Variants in ADAMTS12 observed in about 807,000 individuals in gnomAD.
ADAMTS12 encodes ADAM metallopeptidase with thrombospondin type 1 motif 12.
ADAMTS12 carries 118 observed loss-of-function variants against 167.8 expected under a neutral mutation model. The observed-to-expected ratio is 0.70, with a 90% CI of 0.61 to 0.82. ADAMTS12 has a LOEUF of 0.82. ADAMTS12 is among the 40% of genes least tolerant of loss of function. The probability of loss-of-function intolerance (pLI) is 0.00; values close to 1 mark genes in which losing one functional copy is unlikely to be tolerated. For synonymous variants in ADAMTS12, 704 were observed against 716.9 expected (o/e 0.98, Z 0.29); for missense variants, 1,916 against 1,998.8 (o/e 0.96, Z 0.79).
At chr5:33,735,195 G>A (rs1744328039) in intron 3 of ADAMTS12, among the ~76,000 whole-genome samples, 1 of 152,138 alleles carries the variant, frequency 6.6e-6, no homozygotes, top group Non-Finnish European at 1.5e-5. Flanking sequence ...TTTTCTGAAG[G>A]AATAAAGAAA....
intron 2 of ADAMTS12, among the ~76,000 whole-genome samples, chr5:33,860,131 A>G (rs1376029537): frequency 6.6e-6 from 1 of 152,216 alleles, no homozygotes; most frequent in Non-Finnish European, 1.5e-5. Context: ...ACTCCTTGCC[A>G]GCAAGGGAAG....
intron 10 of ADAMTS12, among the ~76,000 whole-genome samples, chr5:33,643,009 A>AG (rs1186774586): frequency 9.9e-6 from 1 of 100,708 alleles, no homozygotes; most frequent in Non-Finnish European, 2.4e-5. Context: ...CATTTTTGGG[A>AG]AAAGAAGCCG....
chr5:33,636,763 T>C lies in ADAMTS12; in HGVS notation c.1888+814A>G, dbSNP rs958477368. Among the ~76,000 whole-genome samples the C allele has an allele frequency of 2.6e-5, 4 of 152,196 alleles. No individual in the cohort carries two copies. In the East Asian group the frequency reaches 7.7e-4, roughly 29 times the overall value. On this transcript the variant is annotated intron_variant, in intron 12 of 23. Coordinates refer to ENST00000504830, the MANE Select transcript of ADAMTS12 (RefSeq NM_030955.4). ...CTTTAACACAGGAAAATCTTTTCTG[T>C]TTCATTTCCTACTCAGATAACAACA...
chr5:33,880,365 A>G (rs1280951353), intron 2 of ADAMTS12, among the ~76,000 whole-genome samples: 1 of 152,248 alleles, frequency 6.6e-6, no homozygotes, highest in African/African-American at 2.4e-5. Context: ...ATTAAGTGTC[A>G]GTAAACTTTT....
chr5:33,667,049 GTTTAC>G (rs1741498710), intron 5 of ADAMTS12, among the ~76,000 whole-genome samples: 1 of 152,098 alleles, frequency 6.6e-6, no homozygotes, highest in Admixed American at 6.5e-5. Context: ...TAAGAAGAAA[GTTTAC>G]TTTAGTAATT....
Position 33,576,685 on chromosome 5 carries a change from G to A in ADAMTS12, c.3341C>T (p.Thr1114Ile), listed in dbSNP as rs1416825212. 4 of 1,614,232 alleles carry A rather than the reference G, an allele frequency of 2.5e-6. No homozygotes were observed. Among genetic ancestry groups the A allele is most frequent in the Non-Finnish European group, 2.5e-6 (3 of 1,180,034 alleles). The change falls in exon 19 of 24, where the codon ACC (threonine) becomes ATC (isoleucine). Residue 1114 changes from threonine to isoleucine, a missense_variant. Transcript: ENST00000504830. ...ENVSSSDTGP[T>I]SEGGLVATTT... ...TGTAGCTACAAGGCCTCCCTCCGAGGTAGGACCAGTATCTGAACTGGAAAC... is the reference window on the plus strand; with the variant it reads ...TGTAGCTACAAGGCCTCCCTCCGAGATAGGACCAGTATCTGAACTGGAAAC...
chr5:33,588,036 A>G (rs550593259), intron 18 of ADAMTS12, among the ~76,000 whole-genome samples: 1 of 152,312 alleles, frequency 6.6e-6, no homozygotes, highest in African/African-American at 2.4e-5. Context: ...CTGATTTCCA[A>G]TTATAGTCAG....
chr5:33,833,144 T>A (rs1400649323), intron 2 of ADAMTS12, among the ~76,000 whole-genome samples: 1 of 152,202 alleles, frequency 6.6e-6, no homozygotes, highest in Non-Finnish European at 1.5e-5. Context: ...TGATCATGAA[T>A]AACTATGGTG....
At chr5:33,722,351 T>C (rs1462604259) in intron 3 of ADAMTS12, among the ~76,000 whole-genome samples, 5 of 152,224 alleles carry the variant, frequency 3.3e-5, no homozygotes, top group Admixed American at 6.5e-5. Flanking sequence ...ATGATGATGG[T>C]AAACAGTTAT....
chr5:33,651,416 T>C (rs1740864657), intron 7 of ADAMTS12, among the ~76,000 whole-genome samples: 1 of 152,216 alleles, frequency 6.6e-6, no homozygotes, highest in Non-Finnish European at 1.5e-5. Context: ...TTTTGCATTA[T>C]ACACAATCAG....
At position 33,668,120 on chromosome 5, in the gene ADAMTS12, G is replaced by A. The variant is rs144075192; in HGVS notation, c.916-6080C>T. 5.3e-5 allele frequency among the ~76,000 whole-genome samples: 8 copies of A among 152,190 alleles called. No homozygotes were observed. The East Asian group carries it at 7.7e-4, about 15-fold the overall frequency. On this transcript the variant is annotated intron_variant, in intron 5 of 23. Transcript: ENST00000504830. ...TCATCAATTCAAAATATCATAAGTC[G>A]AAAATGCAATGAATACACCTAACCT...
chr5:33,850,445 A>T (rs1215684888), intron 2 of ADAMTS12, among the ~76,000 whole-genome samples: 1 of 152,174 alleles, frequency 6.6e-6, no homozygotes, highest in Non-Finnish European at 1.5e-5. Context: ...AGGTGCTGTC[A>T]GCCCCTTTTA....
In ADAMTS12 at chr5:33,582,885, T is replaced by C. The variant is rs187695450; in HGVS notation, c.2865+5714A>G. Reference sequence around the variant, plus strand: ...GGTACATAGTAGGTGTATATATTTATGGGGTACATGAGATGTTTTGAAACA... The same window carrying C: ...GGTACATAGTAGGTGTATATATTTACGGGGTACATGAGATGTTTTGAAACA... On this transcript the variant is annotated intron_variant, in intron 18 of 23. Transcript: ENST00000504830. Among the ~76,000 whole-genome samples, 243 of 152,356 alleles carry C rather than the reference T, an allele frequency of 1.6e-3. 2 individuals are homozygous for C. Among genetic ancestry groups the C allele is most frequent in the African/African-American group, 5.6e-3 (234 of 41,574 alleles).
intron 23 of ADAMTS12, among the ~76,000 whole-genome samples, chr5:33,528,825 T>C (rs1454833569): frequency 6.6e-6 from 1 of 152,110 alleles, no homozygotes; most frequent in Non-Finnish European, 1.5e-5. Flanking sequence ...CGTGGGCGGA[T>C]CATGAGGTCA....
intron 3 of ADAMTS12, among the ~76,000 whole-genome samples, chr5:33,734,232 C>T (rs1744289726): frequency 1.3e-5 from 2 of 152,180 alleles, no homozygotes; most frequent in African/African-American, 4.8e-5. Context: ...GAGACCAAAC[C>T]CCACTCTGCC....
intron 2 of ADAMTS12, among the ~76,000 whole-genome samples, chr5:33,792,085 C>T (rs891456101): frequency 5.3e-5 from 8 of 150,484 alleles, no homozygotes; most frequent in African/African-American, 1.7e-4. Context: ...GCAACCTCTG[C>T]CTCCCAGGCT....
intron 13 of ADAMTS12, among the ~76,000 whole-genome samples, chr5:33,630,186 G>T (rs1475297946): frequency 2.0e-5 from 3 of 152,158 alleles, no homozygotes; most frequent in Non-Finnish European, 4.4e-5. Flanking sequence ...CACAAGTCCT[G>T]CTCCTCAGTT....
intron 18 of ADAMTS12, among the ~76,000 whole-genome samples, chr5:33,583,662 C>T (rs145638449): frequency 9.2e-5 from 14 of 152,222 alleles, no homozygotes; most frequent in African/African-American, 2.4e-4. Flanking sequence ...TTGCTTTTGC[C>T]GTCTTTTGGA....
At chr5:33,624,691 G>T (rs909190897) in intron 13 of ADAMTS12, among the ~76,000 whole-genome samples, 1 of 152,204 alleles carries the variant, frequency 6.6e-6, no homozygotes, top group African/African-American at 2.4e-5. Context: ...GTCTCTTTCA[G>T]ATGTGTTCTC....
Sources: gnomAD v4.1 joint callset for allele counts (sites outside exome capture counted in the v4.1 genomes callset) on GRCh38, gnomAD v4.1.1 for gene constraint, MANE v1.5 for transcripts, NCBI Gene and HGNC (gene_info 2026-07-23, HGNC 2026-07-21) for gene names.